The following TNS3 variants were observed in gnomAD, a reference collection of about 807,000 sequenced individuals.
The protein encoded by TNS3 is tensin-3.
In TNS3, 45 loss-of-function variants were observed where a neutral mutation model predicts 140.9. The ratio of observed to expected loss-of-function variants is 0.32; its 90% CI spans 0.25 to 0.41. The LOEUF (loss-of-function observed/expected upper bound fraction) is 0.41. Ranked by LOEUF, TNS3 falls within the 10% of genes least tolerant of loss-of-function variation. The probability of loss-of-function intolerance (pLI) is 1.00; values close to 1 mark genes in which losing one functional copy is unlikely to be tolerated. For missense variants in TNS3, 1,716 were observed against 1,906.7 expected (o/e 0.90, Z 1.86); for synonymous variants, 815 against 788.4 (o/e 1.03, Z -0.56).
intron 3 of TNS3, among the ~76,000 whole-genome samples, chr7:47,500,008 C>T (rs1181369121): frequency 1.3e-5 from 2 of 152,044 alleles, no homozygotes; most frequent in South Asian, 2.1e-4. Flanking sequence ...CTCGATTTTG[C>T]GGCAAATCTG....
chr7:47,527,544 A>G (rs140507188), intron 2 of TNS3, among the ~76,000 whole-genome samples: 130 of 152,330 alleles, frequency 8.5e-4, no homozygotes, highest in Middle Eastern at 6.8e-3. Context: ...TGAACTGGAC[A>G]AGCTATGCAG....
At chr7:47,474,785 CACA>C (rs1189825319) in intron 4 of TNS3, among the ~76,000 whole-genome samples, 2 of 149,894 alleles carry the variant, frequency 1.3e-5, no homozygotes, top group African/African-American at 4.9e-5. Context: ...ACACCTCACA[CACA>C]ACACACAAAG....
intron 16 of TNS3, among the ~76,000 whole-genome samples, chr7:47,375,134 C>A (rs747127106): frequency 7.2e-5 from 11 of 152,234 alleles, no homozygotes; most frequent in Admixed American, 2.0e-4. Context: ...CCTCATTCTG[C>A]AAATTCAGAA....
chr7:47,529,285 A>C (rs1416297103), intron 1 of TNS3, 138 bp from the exon 2 acceptor site: 1 of 442,290 alleles, frequency 2.3e-6, no homozygotes, highest in Non-Finnish European at 3.8e-6. Context: ...ACAGAGAACA[A>C]GAAACCATCT....
intron 20 of TNS3, among the ~76,000 whole-genome samples, chr7:47,324,131 A>G (rs1787900968): frequency 6.6e-6 from 1 of 152,194 alleles, no homozygotes; most frequent in Admixed American, 6.5e-5. Flanking sequence ...GTCTGGCACC[A>G]AAGTTCCAAG....
intron 24 of TNS3, among the ~76,000 whole-genome samples, chr7:47,295,475 T>C (rs1785955815): frequency 6.6e-6 from 1 of 152,128 alleles, no homozygotes; most frequent in Non-Finnish European, 1.5e-5. Context: ...AACAATCAGG[T>C]CTAATTCAGC....
At chr7:47,287,713 G>A (rs746751743) in intron 27 of TNS3, among the ~76,000 whole-genome samples, 1 of 152,170 alleles carries the variant, frequency 6.6e-6, no homozygotes, top group Non-Finnish European at 1.5e-5. Context: ...GCTTGGAATC[G>A]CGGTTAATGT....
intron 2 of TNS3, among the ~76,000 whole-genome samples, chr7:47,508,200 C>T (rs1269776848): frequency 1.3e-5 from 2 of 152,168 alleles, no homozygotes; most frequent in Non-Finnish European, 2.9e-5. Context: ...GAGGATGAAA[C>T]AGATAAGGTC....
chr7:47,316,894 TATA>T, intron 20 of TNS3, among the ~76,000 whole-genome samples: 1 of 151,996 alleles, frequency 6.6e-6, no homozygotes, highest in East Asian at 1.9e-4. Context: ...GGCAGCCAGA[TATA>T]ATGAGAATTA....
In TNS3 at chr7:47,302,211, G is replaced by A; in HGVS notation, c.3519C>T (p.Tyr1173=). The A allele has an allele frequency of 6.2e-7, 1 of 1,614,168 alleles. No individual in the cohort carries two copies. ...CTTGTTCTCTTGAAATATCCGCCTT[G>A]TACCAGAACTTGGAAGTGTCTTGAA... The part of the protein sequence containing the change: ...KFVQDTSKFW[Y]KADISREQAI... Residue 1173 remains tyrosine, a synonymous_variant, in exon 23 of 31, where the codon TAC becomes TAT. Coordinates refer to ENST00000311160, the MANE Select transcript of TNS3 (RefSeq NM_022748.12).
At chr7:47,278,272 C>T (rs747505896) in intron 30 of TNS3, 52 bp from the exon 31 acceptor site, 7 of 1,565,122 alleles carry the variant, frequency 4.5e-6, no homozygotes, top group Non-Finnish European at 5.2e-6. Flanking sequence ...AAGTACCAAG[C>T]TTCTACTTCC....
chr7:47,453,180 C>T lies in TNS3; in HGVS notation c.-75-11125G>A, dbSNP rs553464212. 2.5e-4 allele frequency: 250 copies of T among 985,562 alleles called. 1 individual carries two copies. The African/African-American group carries it at 4.2e-3, about 16-fold the overall frequency. The allele number at this position is 985,562 out of a possible 1,614,324, so 61.1% of individuals were successfully genotyped here. A position where few individuals can be genotyped will look rare whatever the true frequency, so the allele number is the denominator to read the frequency against. On this transcript the variant is annotated intron_variant, in intron 4 of 30. Coordinates refer to ENST00000311160, the MANE Select transcript of TNS3 (RefSeq NM_022748.12). The stretch of plus-strand genomic sequence containing the variant: ...GGTGTGCCCGGCCCCACGGTGAGCA[C>T]GCAGGCATGGAGCTCACAGGACAAT...
intron 2 of TNS3, 45 bp from the exon 3 acceptor site, chr7:47,506,989 C>T (rs764620668): frequency 4.6e-5 from 59 of 1,273,478 alleles, no homozygotes; most frequent in South Asian, 2.2e-4. Context: ...AGCAGTCTCT[C>T]TAGCAAGAAT....
At chr7:47,279,702 CAAAA>C in intron 30 of TNS3, 1 of 141,060 alleles carries the variant, frequency 7.1e-6, no homozygotes, top group Non-Finnish European at 1.5e-5. Flanking sequence ...AACTCTGTCT[CAAAA>C]AAAAAAAAAA....
chr7:47,528,901 G>T (rs533888070), intron 2 of TNS3, 135 bp downstream of exon 2: 70 of 407,740 alleles, frequency 1.7e-4, no homozygotes, highest in Middle Eastern at 4.6e-4. Flanking sequence ...GGGGTAGGGG[G>T]TTGGGGGACA....
chr7:47,551,199 G>A (rs1055211259), intron 1 of TNS3, among the ~76,000 whole-genome samples: 4 of 152,200 alleles, frequency 2.6e-5, no homozygotes, highest in Middle Eastern at 3.2e-3. Context: ...CTGCACAGAG[G>A]GCAGACAAGC....
chr7:47,558,250 C>T lies in TNS3; in HGVS notation c.-265+23801G>A, dbSNP rs563216326. On this transcript the variant is annotated intron_variant, in intron 1 of 30. Coordinates refer to ENST00000311160, the MANE Select transcript of TNS3 (RefSeq NM_022748.12). ...CTGATAAGAGCAAGCTACAGCAAGC[C>T]GGTGCCGAGGAGGATCAAAGAGGCT... Among the ~76,000 whole-genome samples the T allele has an allele frequency of 2.9e-4, 44 of 152,308 alleles. No individual in the cohort carries two copies. In the South Asian group the frequency reaches 3.9e-3, roughly 14 times the overall value.
intron 3 of TNS3, among the ~76,000 whole-genome samples, chr7:47,483,015 T>C (rs1211047555): frequency 6.6e-6 from 1 of 152,156 alleles, no homozygotes; most frequent in Admixed American, 6.5e-5. Flanking sequence ...TCTGCATTTG[T>C]CTAAACCCAC....
chr7:47,435,377 G>C lies in TNS3; in HGVS notation c.229C>G (p.His77Asp). Residue 77 changes from histidine (H) to aspartate (D), a missense_variant, in exon 8 of 31, where the codon CAC (histidine) becomes GAC (aspartate). Physicochemically the swap from His to Asp is moderately conservative, Grantham distance 81. Around this residue, in one of 3 missense-constraint regions of TNS3, gnomAD observed 337 missense variants for 428.9 expected, o/e 0.79. Transcript: ENST00000311160. The part of the protein sequence containing the change: ...KIMDVGWPEL[H>D]APPLDKMCTI... ...CACATCTTATCCAGGGGCGGTGCGTGGAGCTCTGGCCAGCCCACATCCATG... is the reference window on the plus strand; with the variant it reads ...CACATCTTATCCAGGGGCGGTGCGTCGAGCTCTGGCCAGCCCACATCCATG... 6.2e-7 allele frequency: 1 copy of C among 1,613,926 alleles called. No homozygotes were observed. The highest frequency in any genetic ancestry group is 8.5e-7 in the Non-Finnish European group (1 of 1,180,004).
Sources: gnomAD v4.1 joint callset for allele counts (sites outside exome capture counted in the v4.1 genomes callset) on GRCh38, gnomAD v4.1.1 for gene constraint, gnomAD v4.1.1 regional missense constraint, MANE v1.5 for transcripts, NCBI Gene and HGNC (gene_info 2026-07-23, HGNC 2026-07-21) for gene names.